The following FNIP2 variants were observed in gnomAD, a reference collection of about 807,000 sequenced individuals.
The protein encoded by FNIP2 is folliculin interacting protein 2.
Under a neutral mutation model 108.7 loss-of-function variants are expected in FNIP2, and 32 were observed. The observed-to-expected ratio is 0.29, with a 90% confidence interval of 0.22 to 0.40. The LOEUF (loss-of-function observed/expected upper bound fraction) is 0.40. FNIP2 is among the 10% of genes least tolerant of loss of function. The probability of loss-of-function intolerance (pLI) is 1.00; values close to 1 mark genes in which losing one functional copy is unlikely to be tolerated. For missense variants in FNIP2, 1,202 were observed against 1,381.6 expected (o/e 0.87, Z 2.06); for synonymous variants, 480 against 496.7 (o/e 0.97, Z 0.45).
intron 8 of FNIP2, among the ~76,000 whole-genome samples, chr4:158,857,952 AAATT>A (rs908690230): frequency 6.6e-6 from 1 of 152,150 alleles, no homozygotes; most frequent in African/African-American, 2.4e-5. Flanking sequence ...TGTCCCCCCA[AAATT>A]AATTAATTAA....
chr4:158,773,464 C>T lies in FNIP2; in HGVS notation c.107+4145C>T, dbSNP rs78089899. 3.1e-3 allele frequency among the ~76,000 whole-genome samples: 470 copies of T among 152,344 alleles called. 2 individuals are homozygous for T. The highest frequency in any genetic ancestry group is 6.8e-3 in the Middle Eastern group (2 of 294). The stretch of plus-strand genomic sequence containing the variant: ...AACAAGACTCCATTTCTCTGATCCT[C>T]AGCTTTGTCATTTGTAAAGTGACAG... On this transcript the variant is annotated intron_variant, in intron 1 of 16. Transcript: ENST00000264433.
intron 5 of FNIP2, 127 bp downstream of exon 5, chr4:158,832,265 G>C (rs1271601958): frequency 2.8e-6 from 2 of 721,434 alleles, no homozygotes; most frequent in African/African-American, 1.8e-5. Flanking sequence ...TAACAAAGGG[G>C]CTTTAAAAGT....
intron 14 of FNIP2, among the ~76,000 whole-genome samples, chr4:158,881,715 G>C (rs1281743698): frequency 2.0e-5 from 3 of 151,816 alleles, no homozygotes; most frequent in Admixed American, 2.0e-4. Context: ...GGCCTCCCGA[G>C]GTGCTGGGAT....
At chr4:158,859,392 C>A in intron 9 of FNIP2, 134 bp downstream of exon 9, 1 of 1,128,076 alleles carries the variant, frequency 8.9e-7, no homozygotes, top group Non-Finnish European at 1.2e-6. Context: ...AAATTTTAGG[C>A]ATGTTGATGT....
chr4:158,877,875 A>AGCTGCAGTAAGCTATGATGGAGCC (rs1781368962), intron 14 of FNIP2, among the ~76,000 whole-genome samples: 1 of 152,122 alleles, frequency 6.6e-6, no homozygotes, highest in African/African-American at 2.4e-5. Flanking sequence ...TGGAGGTCGA[A>AGCTGCAGTAAGCTATGATGGAGCC]GCTGCAGTAA....
At chr4:158,789,405 A>G in intron 1 of FNIP2, among the ~76,000 whole-genome samples, 1 of 152,194 alleles carries the variant, frequency 6.6e-6, no homozygotes, top group East Asian at 1.9e-4. Context: ...TATGAAGGAC[A>G]GTTCATTTAT....
At chr4:158,859,500 T>C in intron 9 of FNIP2, 78 bp from the exon 10 acceptor site, 8 of 1,262,212 alleles carry the variant, frequency 6.3e-6, no homozygotes, top group Non-Finnish European at 8.9e-6. Flanking sequence ...ATTACATAAT[T>C]TTTTTTATTA....
Position 158,820,788 on chromosome 4 carries a change from CA to C in FNIP2, c.108-5124del, listed in dbSNP as rs143939280. Among the ~76,000 whole-genome samples the C allele has an allele frequency of 6.6e-3, 1,001 of 152,240 alleles. 4 individuals are homozygous for C. The highest frequency in any genetic ancestry group is 0.014 in the Middle Eastern group (4 of 294). On this transcript the variant is annotated intron_variant, in intron 1 of 16. Transcript: ENST00000264433. ...TCATTATTCCTTCTGTGTCTTTGTC[CA>C]AAATTTTCTCCTTCTTAGGAGGACA...
chr4:158,891,350 A>G, intron 14 of FNIP2, 96 bp from the exon 15 acceptor site: 1 of 1,193,596 alleles, frequency 8.4e-7, no homozygotes, highest in Admixed American at 2.2e-5. Context: ...CTGGCTGTCA[A>G]GAATTTTACA....
At chr4:158,838,070 G>A (rs1303991963) in intron 7 of FNIP2, among the ~76,000 whole-genome samples, 3 of 152,138 alleles carry the variant, frequency 2.0e-5, no homozygotes, top group East Asian at 1.9e-4. Context: ...TAATTTGTTC[G>A]CTAAGATTTC....
chr4:158,856,547 T>C (rs1779995355), intron 8 of FNIP2, among the ~76,000 whole-genome samples: 1 of 152,256 alleles, frequency 6.6e-6, no homozygotes, highest in South Asian at 2.1e-4. Flanking sequence ...ATCAGACTGC[T>C]TCCAGCTCCT....
chr4:158,863,783 A>G (rs1780423169), intron 12 of FNIP2, among the ~76,000 whole-genome samples: 1 of 151,552 alleles, frequency 6.6e-6, no homozygotes, highest in Non-Finnish European at 1.5e-5. Flanking sequence ...TTTAAATGCC[A>G]CTGTCTACAC....
intron 1 of FNIP2, among the ~76,000 whole-genome samples, chr4:158,817,692 C>T (rs536485309): frequency 6.6e-6 from 1 of 152,324 alleles, no homozygotes; most frequent in Non-Finnish European, 1.5e-5. Flanking sequence ...GGATCACAGG[C>T]GCCCACCGCC....
At chr4:158,820,285 A>C (rs1284284403) in intron 1 of FNIP2, among the ~76,000 whole-genome samples, 1 of 152,334 alleles carries the variant, frequency 6.6e-6, no homozygotes, top group South Asian at 2.1e-4. Flanking sequence ...TGCTTTTTCC[A>C]CATGGGGATA....
Position 158,861,420 on chromosome 4 carries a change from A to G in FNIP2, c.1227A>G (p.Glu409=). The change falls in exon 11 of 17, where the codon GAA becomes GAG. Residue 409 remains glutamate (E), a synonymous_variant. Coordinates refer to ENST00000264433, the MANE Select transcript of FNIP2 (RefSeq NM_020840.3). ...VWLTMMSGTL[E]KNQLCQRFLK... Reference sequence around the variant, plus strand: ...TTACTATGATGTCCGGCACTTTGGAAAAAAACCAGCTCTGCCAGCGCTTTC... The same window carrying G: ...TTACTATGATGTCCGGCACTTTGGAGAAAAACCAGCTCTGCCAGCGCTTTC... 6.2e-7 allele frequency: 1 copy of G among 1,614,050 alleles called. No individual in the cohort carries two copies. Among genetic ancestry groups the G allele is most frequent in the Non-Finnish European group, 8.5e-7 (1 of 1,179,898 alleles).
At chr4:158,871,180 G>A (rs1780927666) in intron 14 of FNIP2, among the ~76,000 whole-genome samples, 1 of 152,182 alleles carries the variant, frequency 6.6e-6, no homozygotes, top group African/African-American at 2.4e-5. Flanking sequence ...ATTGCCTCGT[G>A]GCTGCTATTA....
At chr4:158,847,672 G>A (rs1050465110) in intron 7 of FNIP2, among the ~76,000 whole-genome samples, 4 of 152,130 alleles carry the variant, frequency 2.6e-5, no homozygotes, top group African/African-American at 9.7e-5. Context: ...TGGCCATAGT[G>A]GGGTAGAGCA....
rs557255512 is a variant in FNIP2 at position 158,816,210 on chromosome 4, C to T, written c.108-9706C>T. Among the ~76,000 whole-genome samples the T allele has an allele frequency of 2.1e-3, 317 of 152,192 alleles. 2 individuals are homozygous for T. The highest frequency in any genetic ancestry group is 4.1e-3 in the South Asian group (20 of 4,820). On this transcript the variant is annotated intron_variant, in intron 1 of 16. Transcript: ENST00000264433. ...CTTACACAGAGAATCATGCTTTTGA[C>T]CTCTGGAAACTTCTTGGAAAATGGA... is the stretch of plus-strand genomic sequence containing the variant.
chr4:158,833,217 C>T (rs947957753), intron 5 of FNIP2, among the ~76,000 whole-genome samples: 3 of 152,086 alleles, frequency 2.0e-5, no homozygotes, highest in African/African-American at 2.4e-5. Context: ...ATAACAGTAT[C>T]TCGGGTGTCA....
Sources: allele counts gnomAD v4.1 joint callset (sites outside exome capture counted in the v4.1 genomes callset), GRCh38; gene constraint gnomAD v4.1.1; transcripts MANE v1.5; gene names NCBI Gene and HGNC (gene_info 2026-07-23, HGNC 2026-07-21).